Variants in VSNL1 observed in about 807,000 individuals in gnomAD.
VSNL1 encodes the protein visinin-like protein 1.
Under a neutral mutation model 20.4 loss-of-function variants are expected in VSNL1, and 6 were observed. That is an observed-to-expected ratio of 0.29 (90% CI 0.16 to 0.58). The LOEUF (loss-of-function observed/expected upper bound fraction) is 0.58, where lower values mean the gene tolerates loss of function less well. Ranked by LOEUF, VSNL1 falls within the 20% of genes least tolerant of loss-of-function variation. The pLI is 0.90. For synonymous variants in VSNL1, 93 were observed against 86.4 expected, an observed-to-expected ratio of 1.08 and a Z score of -0.42; for missense variants, 100 against 234.5, an observed-to-expected ratio of 0.43 and a Z score of 3.75.
chr2:17,656,498 G>A lies in VSNL1; in HGVS notation c.*1104G>A, dbSNP rs1240192223. ...ACGTGGAGCTGTGCACACACAGCAGGTAGGCTGCAGGTGTCCCCCAACATA... is the reference window on the plus strand; with the variant it reads ...ACGTGGAGCTGTGCACACACAGCAGATAGGCTGCAGGTGTCCCCCAACATA... On this transcript the variant is annotated 3_prime_UTR_variant, in exon 4 of 4. Transcript: ENST00000295156. 1.3e-5 allele frequency: 2 copies of A among 152,230 alleles called. No individual in the cohort carries two copies. The highest frequency in any genetic ancestry group is 2.9e-5 in the Non-Finnish European group (2 of 68,044). 9.4% of individuals were successfully genotyped at this position (152,230 alleles called of 1,614,324 possible).
At chr2:17,594,028 T>G (rs1664654553) in intron 2 of VSNL1, among the ~76,000 whole-genome samples, 1 of 152,232 alleles carries the variant, frequency 6.6e-6, no homozygotes, top group South Asian at 2.1e-4. Context: ...ACTATTTGTT[T>G]AAAATGAGAG....
At chr2:17,564,678 T>C (rs1036078068) in intron 1 of VSNL1, among the ~76,000 whole-genome samples, 6 of 152,118 alleles carry the variant, frequency 3.9e-5, no homozygotes, top group African/African-American at 1.4e-4. Context: ...CAGATGAAAA[T>C]AGAAACTTTA....
chr2:17,628,104 TA>T (rs2103409269), intron 2 of VSNL1, among the ~76,000 whole-genome samples: 1 of 152,326 alleles, frequency 6.6e-6, no homozygotes, highest in East Asian at 1.9e-4. Flanking sequence ...CACAATAGTG[TA>T]AGTATCTTAA....
intron 2 of VSNL1, among the ~76,000 whole-genome samples, chr2:17,615,979 G>T (rs543323085): frequency 6.6e-6 from 1 of 152,186 alleles, no homozygotes. Flanking sequence ...CCTGGAAAAG[G>T]CAAGGGAATG....
At chr2:17,652,657 T>G (rs1396176002) in intron 3 of VSNL1, among the ~76,000 whole-genome samples, 2 of 152,244 alleles carry the variant, frequency 1.3e-5, no homozygotes, top group East Asian at 3.8e-4. Context: ...CATTAAGAAC[T>G]AGAATGCTCT....
At chr2:17,631,898 G>T (rs1196754730) in intron 2 of VSNL1, among the ~76,000 whole-genome samples, 6 of 152,168 alleles carry the variant, frequency 3.9e-5, no homozygotes, top group Non-Finnish European at 5.9e-5. Flanking sequence ...TGTTGTTGTT[G>T]TTTTCCGAGA....
rs752764166 is a variant in VSNL1, at chr2:17,543,362, G to A, written c.-6+2444G>A. 1.8e-4 allele frequency among the ~76,000 whole-genome samples: 27 copies of A among 152,198 alleles called. 1 individual carries two copies. The highest frequency in any genetic ancestry group is 3.1e-4 in the Non-Finnish European group (21 of 68,040). On this transcript the variant is annotated intron_variant, in intron 1 of 3. Coordinates refer to ENST00000295156, the MANE Select transcript of VSNL1 (RefSeq NM_003385.5). The stretch of plus-strand genomic sequence containing the variant: ...GCTGTGTTCCCCAAAATCCTTCAGG[G>A]AATCCAGCCTTCAAAGACACTGCAG...
chr2:17,638,165 C>G (rs1572215658), intron 2 of VSNL1, among the ~76,000 whole-genome samples: 1 of 152,104 alleles, frequency 6.6e-6, no homozygotes, highest in Non-Finnish European at 1.5e-5. Context: ...GCCAAATTGC[C>G]TGAGTTCAAA....
intron 2 of VSNL1, among the ~76,000 whole-genome samples, chr2:17,604,277 G>A (rs1250970096): frequency 2.0e-5 from 3 of 152,238 alleles, no homozygotes; most frequent in East Asian, 1.9e-4. Context: ...AGGAGCAGGC[G>A]GTGGGCAGGG....
At chr2:17,588,318 A>G (rs1664524044) in intron 1 of VSNL1, among the ~76,000 whole-genome samples, 1 of 152,230 alleles carries the variant, frequency 6.6e-6, no homozygotes, top group Non-Finnish European at 1.5e-5. Flanking sequence ...AGTGAATGGT[A>G]GAGTTGGAAA....
intron 1 of VSNL1, among the ~76,000 whole-genome samples, chr2:17,563,465 TTA>T (rs1663865069): frequency 6.6e-6 from 1 of 152,222 alleles, no homozygotes; most frequent in Non-Finnish European, 1.5e-5. Context: ...CTTGTTCAGT[TTA>T]TGTCAGTCAA....
chr2:17,571,265 C>G (rs570069949), intron 1 of VSNL1, among the ~76,000 whole-genome samples: 59 of 152,178 alleles, frequency 3.9e-4, no homozygotes, highest in Non-Finnish European at 7.4e-4. Flanking sequence ...AGGATGCTAT[C>G]TAGCCGGAAC....
At chr2:17,556,127 G>T (rs1320147121) in intron 1 of VSNL1, among the ~76,000 whole-genome samples, 1 of 152,084 alleles carries the variant, frequency 6.6e-6, no homozygotes, top group African/African-American at 2.4e-5. Flanking sequence ...GGATCCATGA[G>T]TTTTACACCC....
At chr2:17,579,441 C>T (rs898256479) in intron 1 of VSNL1, among the ~76,000 whole-genome samples, 10 of 152,148 alleles carry the variant, frequency 6.6e-5, no homozygotes, top group African/African-American at 2.4e-4. Flanking sequence ...TCTATATAGT[C>T]TAGGTCTTGT....
At chr2:17,622,542 AAG>A (rs1491531750) in intron 2 of VSNL1, among the ~76,000 whole-genome samples, 1 of 63,422 alleles carries the variant, frequency 1.6e-5, no homozygotes, top group Admixed American at 1.4e-4. Context: ...AAAAGAAAGA[AAG>A]AAAGAAAGAA....
chr2:17,554,511 A>G (rs1234909490), intron 1 of VSNL1, among the ~76,000 whole-genome samples: 1 of 152,140 alleles, frequency 6.6e-6, no homozygotes, highest in East Asian at 1.9e-4. Context: ...TTTATAATTA[A>G]ATGAAGAAGA....
At chr2:17,606,606 C>T (rs547990151) in intron 2 of VSNL1, among the ~76,000 whole-genome samples, 1 of 152,148 alleles carries the variant, frequency 6.6e-6, no homozygotes, top group African/African-American at 2.4e-5. Context: ...TACAACTTCC[C>T]TCTCTAGCAG....
chr2:17,637,076 C>T (rs1040613650), intron 2 of VSNL1, among the ~76,000 whole-genome samples: 8 of 152,336 alleles, frequency 5.3e-5, no homozygotes, highest in African/African-American at 1.9e-4. Context: ...CCCTCTAGAG[C>T]TGGCTGTCCG....
chr2:17,600,180 T>A (rs1664792669), intron 2 of VSNL1, among the ~76,000 whole-genome samples: 1 of 152,172 alleles, frequency 6.6e-6, no homozygotes, highest in Non-Finnish European at 1.5e-5. Context: ...ACTAGCAGTG[T>A]GAATATGGGA....
Sources: allele counts gnomAD v4.1 joint callset (sites outside exome capture counted in the v4.1 genomes callset), GRCh38; gene constraint gnomAD v4.1.1; transcripts MANE v1.5; gene names NCBI Gene and HGNC (gene_info 2026-07-23, HGNC 2026-07-21).